Variants in ZKSCAN2 observed in about 807,000 individuals in gnomAD.
The protein encoded by ZKSCAN2 is zinc finger protein with KRAB and SCAN domains 2.
Under a neutral mutation model 90.5 loss-of-function variants are expected in ZKSCAN2, and 38 were observed. That is an observed-to-expected ratio of 0.42 (90% CI 0.32 to 0.55). The LOEUF is 0.55. Among genes scored for constraint, ZKSCAN2 ranks in the 20% least tolerant of loss-of-function variants. ZKSCAN2 has a pLI of 0.11. For synonymous variants in ZKSCAN2, 429 were observed against 421.6 expected, an observed-to-expected ratio of 1.02 and a Z score of -0.22; for missense variants, 1,167 against 1,202.6, an observed-to-expected ratio of 0.97 and a Z score of 0.44.
At position 25,240,018 on chromosome 16, in the gene ZKSCAN2, C is replaced by T; in HGVS notation, c.2702G>A (p.Arg901Lys). 1 of 1,613,948 alleles carries T rather than the reference C, an allele frequency of 6.2e-7. No individual in the cohort carries two copies. Among genetic ancestry groups the T allele is most frequent in the Non-Finnish European group, 8.5e-7 (1 of 1,179,984 alleles). The change falls in exon 7 of 7, where the codon AGA becomes AAA. Residue 901 changes from arginine (R) to lysine (K), a missense_variant. Physicochemically the swap from Arg to Lys is conservative, Grantham distance 26. Coordinates refer to ENST00000328086, the MANE Select transcript of ZKSCAN2 (RefSeq NM_001012981.5). ...GTGTATTCTCCGATGTTCTCGAAAT[C>T]TCGTACAGTTATTGAAACTTTTTTC... ...DCEKSFNNCT[R>K]FREHRRIHTG...
At chr16:25,252,382 T>C (rs1225507063) in intron 3 of ZKSCAN2, among the ~76,000 whole-genome samples, 2 of 152,076 alleles carry the variant, frequency 1.3e-5, no homozygotes, top group East Asian at 1.9e-4. Flanking sequence ...AAATATACTC[T>C]TGTGGGGAGT....
In ZKSCAN2 at chr16:25,257,206, T is replaced by C; in HGVS notation, c.-79A>G. ...GACTCCAAGCGCTCCCTGCTTAATG[T>C]TCCTGGGAGTGTGATAAGGTACGGA... On this transcript the variant is annotated 5_prime_UTR_variant, in exon 1 of 7. Coordinates refer to ENST00000328086, the MANE Select transcript of ZKSCAN2 (RefSeq NM_001012981.5). The C allele has an allele frequency of 6.6e-7, 1 of 1,512,466 alleles. No individual in the cohort carries two copies. The highest frequency in any genetic ancestry group is 8.8e-7 in the Non-Finnish European group (1 of 1,136,550). 93.7% of individuals were successfully genotyped at this position (1,512,466 alleles called of 1,614,324 possible). A position where few individuals can be genotyped will look rare whatever the true frequency, so the allele number is the denominator to read the frequency against.
Position 25,247,138 on chromosome 16 carries a change from G to T in ZKSCAN2, c.1058C>A (p.Ala353Glu). The T allele has an allele frequency of 6.2e-7, 1 of 1,614,142 alleles. No individual in the cohort carries two copies. The highest frequency in any genetic ancestry group is 8.5e-7 in the Non-Finnish European group (1 of 1,180,030). ...ATAAAAGCGAGACTCTTTGAGAATT[G>T]CCAGGAAAGTCTTTGTTTCCTCATA... is the stretch of plus-strand genomic sequence containing the variant. ...WSYEETKTFL[A>E]ILKESRFYET... is the part of the protein sequence containing the mutation. The change falls in exon 5 of 7, where the codon GCA (alanine) becomes GAA (glutamate). Residue 353 changes from alanine (A) to glutamate (E), a missense_variant. Coordinates refer to ENST00000328086, the MANE Select transcript of ZKSCAN2 (RefSeq NM_001012981.5).
rs201820034 is a variant in ZKSCAN2, at chr16:25,255,297, C to A, written c.495G>T (p.Arg165Ser). The A allele has an allele frequency of 2.5e-5, 40 of 1,613,764 alleles. No individual in the cohort carries two copies. The highest frequency in any genetic ancestry group is 2.0e-5 in the Non-Finnish European group (24 of 1,179,974). ...FQPEQVETQP[R>S]AVSREEPGSL... The stretch of plus-strand genomic sequence containing the variant: ...TTCCAGGTTCCTCCCGAGACACCGC[C>A]CTGGGTTGGGTCTCCACCTGCTCTG... Residue 165 changes from arginine (R) to serine (S), a missense_variant, in exon 2 of 7, where the codon AGG (arginine) becomes AGT (serine). By Grantham distance (110) the Arg-to-Ser change is moderately radical. Transcript: ENST00000328086.
intron 6 of ZKSCAN2, among the ~76,000 whole-genome samples, chr16:25,241,340 GT>G (rs1442925399): frequency 6.6e-6 from 1 of 152,146 alleles, no homozygotes; most frequent in Non-Finnish European, 1.5e-5. Flanking sequence ...CAGATTTTCT[GT>G]TAAGTTTTCT....
intron 6 of ZKSCAN2, among the ~76,000 whole-genome samples, chr16:25,241,049 T>A (rs748070985): frequency 1.3e-5 from 2 of 152,200 alleles, no homozygotes; most frequent in Admixed American, 6.5e-5. Context: ...CCTATTTTCA[T>A]AATTTCACCT....
chr16:25,246,545 C>G (rs1399586785), intron 5 of ZKSCAN2, 162 bp downstream of exon 5: 3 of 704,384 alleles, frequency 4.3e-6, no homozygotes, highest in African/African-American at 3.6e-5. Flanking sequence ...ATGGGGGCAG[C>G]AGCAAGCACC....
Position 25,246,737 on chromosome 16 carries a change from C to T in ZKSCAN2, c.1459G>A (p.Gly487Ser), listed in dbSNP as rs1249699886. 2 of 1,614,188 alleles carry T rather than the reference C, an allele frequency of 1.2e-6. No homozygotes were observed. Among genetic ancestry groups the T allele is most frequent in the East Asian group, 2.2e-5 (1 of 44,894 alleles). ...AGATTCTGAAACAAGACAGGGGCAC[C>T]ATGGATTTCAGACTTGCGGATAAAT... ...IEFIRKSEIH[G>S]APVLFQNLSG... is the part of the protein sequence containing the mutation. The change falls in exon 5 of 7, where the codon GGT becomes AGT. Residue 487 changes from glycine (G) to serine (S), a missense_variant. Transcript: ENST00000328086.
chr16:25,255,143 T>C, intron 2 of ZKSCAN2, 63 bp downstream of exon 2: 3 of 1,513,748 alleles, frequency 2.0e-6, no homozygotes, highest in Non-Finnish European at 2.7e-6. Flanking sequence ...TTCACAGCGT[T>C]GGGGTACTGC....
At chr16:25,243,131 T>G (rs1962879591) in intron 6 of ZKSCAN2, among the ~76,000 whole-genome samples, 1 of 152,242 alleles carries the variant, frequency 6.6e-6, no homozygotes, top group South Asian at 2.1e-4. Context: ...CCATAAGATA[T>G]TCTTCTTTTG....
In ZKSCAN2 at chr16:25,239,587, G is replaced by A. The variant is rs187041411; in HGVS notation, c.*229C>T. On this transcript the variant is annotated 3_prime_UTR_variant, in exon 7 of 7. Transcript: ENST00000328086. ...CTGAAGGGTATTTCATTCTGAACTC[G>A]GACAATGTATCTTCGCCACATTCTT... 5.4e-4 allele frequency: 245 copies of A among 452,674 alleles called. 1 individual carries two copies. Among genetic ancestry groups the A allele is most frequent in the Non-Finnish European group, 1.2e-4 (31 of 256,220 alleles). The allele number at this position is 452,674 out of a possible 1,614,324, so 28.0% of individuals were successfully genotyped here.
chr16:25,243,843 C>T lies in ZKSCAN2; in HGVS notation c.1923G>A (p.Glu641=). The T allele has an allele frequency of 6.2e-7, 1 of 1,614,148 alleles. No homozygotes were observed. Among genetic ancestry groups the T allele is most frequent in the African/African-American group, 1.3e-5 (1 of 75,022 alleles). ...GGAACTCTGGCTCTTGCACAATTTC[C>T]TCCTCGCTCATTCTCTCACTGCAAG... ...EDSCSERMSE[E]EIVQEPEFQG... is the part of the protein sequence containing the mutation. The change falls in exon 6 of 7, where the codon GAG becomes GAA. Residue 641 remains glutamate, a synonymous_variant. Coordinates refer to ENST00000328086, the MANE Select transcript of ZKSCAN2 (RefSeq NM_001012981.5).
In ZKSCAN2 at chr16:25,243,866, A is replaced by C. The variant is rs745989274; in HGVS notation, c.1900T>G (p.Cys634Gly). ...TSQEAVIEDS[C>G]SERMSEEEIV... ...TCCTCCTCGCTCATTCTCTCACTGC[A>C]AGAGTCTTCTATTACTGCCTCCTGT... Residue 634 changes from cysteine to glycine, a missense_variant, in exon 6 of 7, where the codon TGC (cysteine) becomes GGC (glycine). Transcript: ENST00000328086. The C allele has an allele frequency of 6.2e-7, 1 of 1,614,006 alleles. No individual in the cohort carries two copies. Among genetic ancestry groups the C allele is most frequent in the South Asian group, 1.1e-5 (1 of 91,078 alleles).
In ZKSCAN2 at chr16:25,257,283, A is replaced by T; in HGVS notation, c.-156T>A. On this transcript the variant is annotated 5_prime_UTR_variant, in exon 1 of 7. It adds an upstream start codon to the 5' untranslated region. Coordinates refer to ENST00000328086, the MANE Select transcript of ZKSCAN2 (RefSeq NM_001012981.5). ...CAGGGTATTCCAGGCTGATTAATCA[A>T]ATCTATGCCAGGCCCTTGAAAAGGT... 1.4e-6 allele frequency: 2 copies of T among 1,454,226 alleles called. No homozygotes were observed. Among genetic ancestry groups the T allele is most frequent in the Non-Finnish European group, 1.8e-6 (2 of 1,110,430 alleles). 90.1% of individuals were successfully genotyped at this position (1,454,226 alleles called of 1,614,324 possible). A position where few individuals can be genotyped will look rare whatever the true frequency, so the allele number is the denominator to read the frequency against.
At chr16:25,241,514 C>T (rs1421885988) in intron 6 of ZKSCAN2, among the ~76,000 whole-genome samples, 1 of 152,222 alleles carries the variant, frequency 6.6e-6, no homozygotes, top group East Asian at 1.9e-4. Context: ...TGAACTCCCA[C>T]AAACCACTTA....
rs1315077113 is a variant in ZKSCAN2 at position 25,236,463 on chromosome 16, T to C, written c.*3353A>G. 1.3e-5 allele frequency: 2 copies of C among 152,274 alleles called. No homozygotes were observed. The highest frequency in any genetic ancestry group is 4.8e-5 in the African/African-American group (2 of 41,462). 9.4% of individuals were successfully genotyped at this position (152,274 alleles called of 1,614,324 possible). On this transcript the variant is annotated 3_prime_UTR_variant, in exon 7 of 7. Transcript: ENST00000328086. The stretch of plus-strand genomic sequence containing the variant: ...CAGCTGGGCCGGCAGCCTGGTCTTC[T>C]AACCTCTTCCGCATCTATATCACGC...
At chr16:25,241,342 T>G (rs756148687) in intron 6 of ZKSCAN2, among the ~76,000 whole-genome samples, 3 of 152,236 alleles carry the variant, frequency 2.0e-5, no homozygotes, top group Non-Finnish European at 4.4e-5. Context: ...GATTTTCTGT[T>G]AAGTTTTCTG....
intron 6 of ZKSCAN2, among the ~76,000 whole-genome samples, chr16:25,242,481 C>T (rs997024046): frequency 8.5e-5 from 13 of 152,130 alleles, no homozygotes; most frequent in South Asian, 6.2e-4. Flanking sequence ...TATGGGAAGA[C>T]GGAGCTCCTG....
intron 2 of ZKSCAN2, among the ~76,000 whole-genome samples, chr16:25,254,001 A>G (rs1963059056): frequency 7.0e-6 from 1 of 143,566 alleles, no homozygotes; most frequent in African/African-American, 2.7e-5. Context: ...ACTCCACCTC[A>G]AAGAAAAAAT....
Sources: allele counts gnomAD v4.1 joint callset (sites outside exome capture counted in the v4.1 genomes callset), GRCh38; gene constraint gnomAD v4.1.1; transcripts MANE v1.5; gene names NCBI Gene and HGNC (gene_info 2026-07-23, HGNC 2026-07-21).